The following PARVA variants were observed in gnomAD, a reference collection of about 807,000 sequenced individuals.
The protein encoded by PARVA is alpha-parvin.
In PARVA, 25 loss-of-function variants were observed where a neutral mutation model predicts 52.6. That is an observed-to-expected ratio of 0.48 (90% CI 0.35 to 0.66). PARVA has a LOEUF of 0.66. PARVA is among the 30% of genes least tolerant of loss of function. PARVA has a pLI of 0.01. For missense variants in PARVA, 373 were observed against 450.9 expected (o/e 0.83, Z 1.56); for synonymous variants, 185 against 179.1 (o/e 1.03, Z -0.26).
In PARVA at chr11:12,533,125, G is replaced by A. The variant is rs1259690266; in HGVS notation, c.*5200G>A. 6.6e-6 allele frequency among the ~76,000 whole-genome samples: 1 copy of A among 152,134 alleles called. No homozygotes were observed. Among genetic ancestry groups the A allele is most frequent in the Non-Finnish European group, 1.5e-5 (1 of 68,018 alleles). Reference sequence around the variant, plus strand: ...TCCTCCTAACCTGCTGCTGCTGATGGACAGGAACTCCTGGACTACCCCCAG... The same window carrying A: ...TCCTCCTAACCTGCTGCTGCTGATGAACAGGAACTCCTGGACTACCCCCAG... On this transcript the variant is annotated 3_prime_UTR_variant, in exon 13 of 13. Transcript: ENST00000334956.
intron 10 of PARVA, among the ~76,000 whole-genome samples, chr11:12,516,909 G>A (rs1398801695): frequency 1.3e-5 from 2 of 152,118 alleles, no homozygotes; most frequent in Non-Finnish European, 2.9e-5. Flanking sequence ...ATTTGCACCT[G>A]GGAGGCCTGG....
At chr11:12,441,617 T>C (rs1427972786) in intron 1 of PARVA, among the ~76,000 whole-genome samples, 2 of 152,080 alleles carry the variant, frequency 1.3e-5, no homozygotes, top group Non-Finnish European at 2.9e-5. Context: ...GGGAATAAAG[T>C]ATGGTTTGAG....
chr11:12,393,341 C>G (rs1939689422), intron 1 of PARVA, among the ~76,000 whole-genome samples: 1 of 152,110 alleles, frequency 6.6e-6, no homozygotes, highest in Admixed American at 6.5e-5. Flanking sequence ...GAAACTGAGG[C>G]ACAGAGAGAC....
intron 1 of PARVA, among the ~76,000 whole-genome samples, chr11:12,471,187 G>A (rs1459346137): frequency 6.6e-6 from 1 of 152,190 alleles, no homozygotes; most frequent in African/African-American, 2.4e-5. Flanking sequence ...GTGGGTATGA[G>A]GGTGTTGAGA....
chr11:12,428,723 A>G (rs1940273161), intron 1 of PARVA, among the ~76,000 whole-genome samples: 1 of 152,214 alleles, frequency 6.6e-6, no homozygotes, highest in South Asian at 2.1e-4. Flanking sequence ...CTAGCGGAGC[A>G]AATACAATTT....
At chr11:12,414,205 A>G (rs1407679907) in intron 1 of PARVA, among the ~76,000 whole-genome samples, 1 of 152,164 alleles carries the variant, frequency 6.6e-6, no homozygotes, top group Non-Finnish European at 1.5e-5. Context: ...AGTGTTTGTG[A>G]CTCTTGTAAA....
chr11:12,497,157 TTTA>T (rs1279331730), intron 5 of PARVA, among the ~76,000 whole-genome samples: 1 of 152,158 alleles, frequency 6.6e-6, no homozygotes, highest in African/African-American at 2.4e-5. Flanking sequence ...AAATTATTAG[TTTA>T]TAATAATTAT....
intron 1 of PARVA, among the ~76,000 whole-genome samples, chr11:12,441,378 C>A (rs1406983455): frequency 6.6e-6 from 1 of 151,266 alleles, no homozygotes; most frequent in Admixed American, 6.6e-5. Flanking sequence ...CCTTGCAGAT[C>A]ACTCTCCAAG....
chr11:12,412,306 T>C (rs1940002135), intron 1 of PARVA, among the ~76,000 whole-genome samples: 2 of 152,258 alleles, frequency 1.3e-5, no homozygotes, highest in African/African-American at 4.8e-5. Flanking sequence ...GTGCCATTTC[T>C]ATACCATCTT....
At chr11:12,485,161 T>C (rs1354578579) in intron 4 of PARVA, among the ~76,000 whole-genome samples, 1 of 152,018 alleles carries the variant, frequency 6.6e-6, no homozygotes, top group Non-Finnish European at 1.5e-5. Context: ...TTCTCAACCA[T>C]ATGAGGAAGG....
At chr11:12,446,039 T>TTG (rs1554896592) in intron 1 of PARVA, among the ~76,000 whole-genome samples, 1 of 107,716 alleles carries the variant, frequency 9.3e-6, no homozygotes, top group African/African-American at 2.7e-5. Flanking sequence ...TTCATTTACT[T>TTG]TAAAAAAAAA....
chr11:12,406,819 C>G (rs577717840), intron 1 of PARVA, among the ~76,000 whole-genome samples: 1 of 151,732 alleles, frequency 6.6e-6, no homozygotes, highest in South Asian at 2.1e-4. Context: ...TACAGGCACC[C>G]GCCACCATGC....
chr11:12,464,921 C>T (rs4601757), intron 1 of PARVA, among the ~76,000 whole-genome samples: 10,505 of 152,164 alleles, frequency 0.069, 496 homozygotes, highest in Middle Eastern at 0.14. Flanking sequence ...GGGTTAGTTT[C>T]GGGATGAAAC....
intron 4 of PARVA, among the ~76,000 whole-genome samples, chr11:12,482,267 G>A: frequency 6.6e-6 from 1 of 152,052 alleles, no homozygotes; most frequent in East Asian, 1.9e-4. Flanking sequence ...TGTGTGAGAA[G>A]GTGTGGCAGT....
intron 1 of PARVA, among the ~76,000 whole-genome samples, chr11:12,419,899 A>T: frequency 6.6e-6 from 1 of 152,230 alleles, no homozygotes; most frequent in East Asian, 1.9e-4. Context: ...GGCAAAACCT[A>T]GGTAAATGCT....
rs868467100 is a variant in PARVA at position 12,532,190 on chromosome 11, T to G, written c.*4265T>G. On this transcript the variant is annotated 3_prime_UTR_variant, in exon 13 of 13. Transcript: ENST00000334956. ...CTGATGACCTTGAGAACCTCAGGCT[T>G]CCCAGTAGGATCCTGCAAGAAAGCA... Among the ~76,000 whole-genome samples the G allele has an allele frequency of 6.6e-5, 10 of 152,124 alleles. No homozygotes were observed. The highest frequency in any genetic ancestry group is 2.4e-4 in the African/African-American group (10 of 41,464).
intron 1 of PARVA, among the ~76,000 whole-genome samples, chr11:12,462,503 T>C (rs531968241): frequency 7.5e-4 from 114 of 152,270 alleles, no homozygotes; most frequent in African/African-American, 2.6e-3. Flanking sequence ...GCTAAGCCAG[T>C]AGAAAGGAAC....
intron 1 of PARVA, among the ~76,000 whole-genome samples, chr11:12,470,504 A>C (rs920106247): frequency 6.6e-6 from 1 of 152,204 alleles, no homozygotes; most frequent in African/African-American, 2.4e-5. Flanking sequence ...TGAGTGGTAG[A>C]GTCTGGATAT....
chr11:12,512,944 T>A (rs1437276886), intron 8 of PARVA, among the ~76,000 whole-genome samples: 5 of 152,186 alleles, frequency 3.3e-5, no homozygotes, highest in African/African-American at 1.2e-4. Flanking sequence ...TTGGATAACA[T>A]TCTCCCTCTA....
Sources: allele counts gnomAD v4.1 joint callset (sites outside exome capture counted in the v4.1 genomes callset), GRCh38; gene constraint gnomAD v4.1.1; transcripts MANE v1.5; gene names NCBI Gene and HGNC (gene_info 2026-07-23, HGNC 2026-07-21).